Variants in EXOSC5 observed in about 807,000 individuals in gnomAD.
EXOSC5 encodes the protein exosome component 5, also known as exosome complex component RRP46.
Under a neutral mutation model 23.7 loss-of-function variants are expected in EXOSC5, and 15 were observed. The observed-to-expected ratio is 0.63, with a 90% CI of 0.42 to 0.97. The LOEUF is 0.97. Ranked by LOEUF, EXOSC5 falls within the 50% of genes least tolerant of loss-of-function variation. EXOSC5 has a pLI of 0.00. For missense variants in EXOSC5, 305 were observed against 316.3 expected (o/e 0.96, Z 0.27); for synonymous variants, 143 against 140.9 (o/e 1.02, Z -0.11).
chr19:41,389,832 C>T lies in EXOSC5; in HGVS notation c.458G>A (p.Cys153Tyr), dbSNP rs984190739. ...AGAGTCCAGGGCGCAGGCGACCCCA[C>T]AGAAGAGAGCCCGCATGGGCACACC... is the stretch of plus-strand genomic sequence containing the variant. ...DAGVPMRALFCGVACALDSDG... is the reference protein window; with the variant it reads ...DAGVPMRALFYGVACALDSDG... Residue 153 changes from cysteine to tyrosine, a missense_variant, in exon 4 of 6, where the codon TGT becomes TAT. Physicochemically the swap from Cys to Tyr is radical, Grantham distance 194. Coordinates refer to ENST00000221233, the MANE Select transcript of EXOSC5 (RefSeq NM_020158.4). The T allele has an allele frequency of 6.2e-7, 1 of 1,614,156 alleles. No individual in the cohort carries two copies. The highest frequency in any genetic ancestry group is 1.3e-5 in the African/African-American group (1 of 75,038).
intron 1 of EXOSC5, among the ~76,000 whole-genome samples, chr19:41,393,413 T>C (rs1437657411): frequency 6.6e-6 from 1 of 151,938 alleles, no homozygotes; most frequent in Non-Finnish European, 1.5e-5. Flanking sequence ...TACAGGCATG[T>C]GCCACCATGC....
At chr19:41,395,672 T>A (rs1018786097) in intron 1 of EXOSC5, among the ~76,000 whole-genome samples, 11 of 152,164 alleles carry the variant, frequency 7.2e-5, no homozygotes, top group South Asian at 2.1e-4. Flanking sequence ...TCTCCTGGTT[T>A]CCCCCTAACT....
chr19:41,391,865 C>A lies in EXOSC5; in HGVS notation c.360G>T (p.Leu120=). 6.5e-7 allele frequency: 1 copy of A among 1,538,530 alleles called. No individual in the cohort carries two copies. The highest frequency in any genetic ancestry group is 1.4e-5 in the African/African-American group (1 of 69,738). ...LHPRTSITVV[L]QVVSDAGSLL... ...CAGAGCCGGCATCGCTGACAACCTG[C>A]AGCACCACGGTGATGGAGGTGCGGG... Residue 120 remains leucine (L), a synonymous_variant, in exon 3 of 6, where the codon CTG becomes CTT. Coordinates refer to ENST00000221233, the MANE Select transcript of EXOSC5 (RefSeq NM_020158.4).
intron 2 of EXOSC5, 140 bp downstream of exon 2, chr19:41,392,727 G>C (rs1387653669): frequency 3.2e-6 from 2 of 631,398 alleles, no homozygotes; most frequent in Non-Finnish European, 5.7e-6. Flanking sequence ...TTATTAATTA[G>C]AGGCGGAGAG....
intron 3 of EXOSC5, among the ~76,000 whole-genome samples, chr19:41,390,814 G>A (rs1020630734): frequency 1.3e-5 from 2 of 152,170 alleles, no homozygotes; most frequent in Non-Finnish European, 2.9e-5. Flanking sequence ...GATCCTCCAC[G>A]CCTTCCTCTG....
intron 3 of EXOSC5, chr19:41,391,598 C>T: frequency 6.7e-6 from 3 of 446,434 alleles, no homozygotes; most frequent in Non-Finnish European, 1.1e-5. Flanking sequence ...TAAGTCTTGG[C>T]TCTGCCACTT....
intron 3 of EXOSC5, 58 bp from the exon 4 acceptor site, chr19:41,389,963 G>A (rs542062093): frequency 3.2e-5 from 49 of 1,517,338 alleles, no homozygotes; most frequent in South Asian, 1.6e-4. Context: ...ATGGAGTTTC[G>A]CTCTTGTTGC....
intron 2 of EXOSC5, 48 bp downstream of exon 2, chr19:41,392,819 A>AT (rs2039033710): frequency 5.7e-6 from 9 of 1,586,228 alleles, no homozygotes; most frequent in African/African-American, 2.7e-5. Context: ...TGGGGGGGTG[A>AT]TTTTGACAAA....
chr19:41,388,979 T>A (rs1053545363), intron 4 of EXOSC5, among the ~76,000 whole-genome samples: 4 of 152,264 alleles, frequency 2.6e-5, no homozygotes, highest in African/African-American at 9.6e-5. Context: ...AGAGTTTCAC[T>A]CTTTCATCCA....
chr19:41,387,668 A>T (rs1230425796), intron 4 of EXOSC5, 65 bp from the exon 5 acceptor site: 1 of 1,248,976 alleles, frequency 8.0e-7, no homozygotes, highest in Admixed American at 2.7e-5. Flanking sequence ...AATCTCAGCC[A>T]GTCCTTTGGC....
intron 2 of EXOSC5, chr19:41,392,203 T>A (rs1396137939): frequency 3.7e-6 from 2 of 538,078 alleles, no homozygotes; most frequent in African/African-American, 4.0e-5. Context: ...GGGAGTTCCA[T>A]GTCTGTGCTG....
chr19:41,391,978 AG>A lies in EXOSC5; in HGVS notation c.263-17del. 1 of 1,581,456 alleles carries A rather than the reference AG, an allele frequency of 6.3e-7. No individual in the cohort carries two copies. The highest frequency in any genetic ancestry group is 1.2e-5 in the South Asian group (1 of 86,440). On this transcript the variant is annotated splice_polypyrimidine_tract_variant and intron_variant, in intron 2 of 5. Coordinates refer to ENST00000221233, the MANE Select transcript of EXOSC5 (RefSeq NM_020158.4). ...TCTGCAACACCTGGGGAAATTGAAG[AG>A]AGGTTCAGGGTCTTCCCCTTCATTT...
intron 4 of EXOSC5, among the ~76,000 whole-genome samples, 189 bp from the exon 5 acceptor site, chr19:41,387,792 G>GAAA (rs58638587): frequency 2.6e-4 from 30 of 116,336 alleles, no homozygotes; most frequent in African/African-American, 6.3e-4. Context: ...CCCCATCTCA[G>GAAA]AAAAAAAAAA....
At chr19:41,391,160 T>C (rs1479666257) in intron 3 of EXOSC5, among the ~76,000 whole-genome samples, 1 of 151,914 alleles carries the variant, frequency 6.6e-6, no homozygotes, top group African/African-American at 2.4e-5. Context: ...AGGTCAGGAG[T>C]TCGAGACCAG....
intron 3 of EXOSC5, among the ~76,000 whole-genome samples, chr19:41,391,097 G>A (rs548185294): frequency 6.6e-6 from 1 of 152,280 alleles, no homozygotes; most frequent in African/African-American, 2.4e-5. Context: ...GGGCACAGTA[G>A]CTCATGCCTG....
Position 41,397,138 on chromosome 19 carries a change from C to A in EXOSC5, c.148+43G>T, listed in dbSNP as rs762480159. 1.6e-5 allele frequency: 26 copies of A among 1,606,986 alleles called. No individual in the cohort carries two copies. In the South Asian group the frequency reaches 1.8e-4, roughly 11 times the overall value. ...GGTGGGCACTCGGTTGCACAGTACACGGTAGTCCCTCTCCAAAAGAAAGAC... is the reference window on the plus strand; with the variant it reads ...GGTGGGCACTCGGTTGCACAGTACAAGGTAGTCCCTCTCCAAAAGAAAGAC... On this transcript the variant is annotated intron_variant, in intron 1 of 5. Coordinates refer to ENST00000221233, the MANE Select transcript of EXOSC5 (RefSeq NM_020158.4).
chr19:41,392,605 AAAAT>A (rs1053599423), intron 2 of EXOSC5, among the ~76,000 whole-genome samples: 36 of 151,960 alleles, frequency 2.4e-4, no homozygotes, highest in African/African-American at 8.0e-4. Flanking sequence ...TAAATAAATA[AAAAT>A]AAATAAAAGA....
Position 41,397,212 on chromosome 19 carries a change from C to T in EXOSC5, c.117G>A (p.Ser39=), listed in dbSNP as rs1413938109. The part of the protein sequence containing the change: ...RHFACEQNLL[S]RPDGSASFLQ... The stretch of plus-strand genomic sequence containing the variant: ...GGAAGGAAGCAGAGCCATCTGGCCG[C>T]GACAGCAGGTTCTGTTCGCAGGCAA... Residue 39 remains serine, a synonymous_variant, in exon 1 of 6, where the codon TCG becomes TCA. Coordinates refer to ENST00000221233, the MANE Select transcript of EXOSC5 (RefSeq NM_020158.4). 6.2e-7 allele frequency: 1 copy of T among 1,614,158 alleles called. No homozygotes were observed. Among genetic ancestry groups the T allele is most frequent in the Admixed American group, 1.7e-5 (1 of 60,026 alleles).
intron 1 of EXOSC5, among the ~76,000 whole-genome samples, chr19:41,394,408 A>G (rs966281345): frequency 2.0e-5 from 3 of 151,368 alleles, no homozygotes; most frequent in African/African-American, 7.3e-5. Flanking sequence ...ATTTTAGGCC[A>G]GGCATGGTGG....
Sources: allele counts gnomAD v4.1 joint callset (sites outside exome capture counted in the v4.1 genomes callset), GRCh38; gene constraint gnomAD v4.1.1; transcripts MANE v1.5; gene names NCBI Gene and HGNC (gene_info 2026-07-23, HGNC 2026-07-21).